RAB8B: variants seen among roughly 807,000 people sequenced by gnomAD.
The protein encoded by RAB8B is ras-related protein Rab-8B.
RAB8B carries 11 observed loss-of-function variants against 32.0 expected under a neutral mutation model. The observed-to-expected ratio is 0.34, with a 90% CI of 0.22 to 0.57. RAB8B has a LOEUF of 0.57. RAB8B is among the 20% of genes least tolerant of loss of function. RAB8B has a pLI of 0.86. For synonymous variants in RAB8B, 103 were observed against 89.6 expected (o/e 1.15, Z -0.85); for missense variants, 190 against 258.5 (o/e 0.73, Z 1.82).
intron 5 of RAB8B, among the ~76,000 whole-genome samples, chr15:63,257,466 C>T (rs1302447346): frequency 2.0e-5 from 3 of 151,904 alleles, no homozygotes; most frequent in African/African-American, 4.8e-5. Flanking sequence ...GCGGTTTTGC[C>T]GTGCTGGCCA....
chr15:63,232,902 A>G (rs558676753), intron 1 of RAB8B, among the ~76,000 whole-genome samples: 16 of 151,506 alleles, frequency 1.1e-4, no homozygotes, highest in African/African-American at 3.4e-4. Context: ...AAACAAGAAA[A>G]CAATTTTAAT....
intron 2 of RAB8B, among the ~76,000 whole-genome samples, chr15:63,249,247 A>C (rs12901035): frequency 0.064 from 9,678 of 152,256 alleles, 428 homozygotes; most frequent in Middle Eastern, 0.14. Context: ...CATTCAGGCA[A>C]GAAAGCAAAG....
At chr15:63,223,165 G>A (rs1418602324) in intron 1 of RAB8B, 2 of 412,084 alleles carry the variant, frequency 4.9e-6, no homozygotes, top group Non-Finnish European at 9.7e-6. Flanking sequence ...AGGCTGGTAT[G>A]CAGTGGCATG....
chr15:63,201,049 C>G (rs576456303), intron 1 of RAB8B, among the ~76,000 whole-genome samples: 81 of 151,986 alleles, frequency 5.3e-4, no homozygotes, highest in African/African-American at 1.9e-3. Flanking sequence ...TTTCCAAGAA[C>G]CTCTTTCCTC....
chr15:63,232,737 C>A (rs1345041998), intron 1 of RAB8B, among the ~76,000 whole-genome samples: 7 of 151,946 alleles, frequency 4.6e-5, no homozygotes, highest in Non-Finnish European at 1.0e-4. Context: ...GACCATTTGT[C>A]CCCCTTAAAA....
chr15:63,225,211 G>A (rs879594897), intron 1 of RAB8B, among the ~76,000 whole-genome samples: 7 of 152,148 alleles, frequency 4.6e-5, no homozygotes, highest in Admixed American at 6.5e-5. Flanking sequence ...TAACTTAACC[G>A]TGTTGGAGTT....
chr15:63,204,233 C>T (rs1240655066), intron 1 of RAB8B, among the ~76,000 whole-genome samples: 1 of 152,120 alleles, frequency 6.6e-6, no homozygotes, highest in African/African-American at 2.4e-5. Flanking sequence ...GGACTACGTG[C>T]ATTTTACAAA....
intron 1 of RAB8B, among the ~76,000 whole-genome samples, chr15:63,236,219 C>T (rs1190954668): frequency 6.6e-6 from 1 of 152,082 alleles, no homozygotes; most frequent in Non-Finnish European, 1.5e-5. Context: ...GCATAAGAGT[C>T]AATTCAGGAA....
intron 1 of RAB8B, among the ~76,000 whole-genome samples, chr15:63,195,493 T>A (rs561194435): frequency 5.9e-5 from 9 of 152,338 alleles, no homozygotes; most frequent in Non-Finnish European, 1.3e-4. Flanking sequence ...ATTGTTTGGA[T>A]CCACTGAGAA....
chr15:63,228,004 T>C (rs889096949), intron 1 of RAB8B, among the ~76,000 whole-genome samples: 3 of 152,096 alleles, frequency 2.0e-5, no homozygotes, highest in Non-Finnish European at 4.4e-5. Context: ...TCTTTCCTTT[T>C]CTTCCTTTCC....
In RAB8B at chr15:63,259,395, C is replaced by T. The variant is rs1160804300; in HGVS notation, c.415-232C>T. 1.3e-5 allele frequency among the ~76,000 whole-genome samples: 2 copies of T among 152,122 alleles called. No individual in the cohort carries two copies. The highest frequency in any genetic ancestry group is 1.5e-5 in the Non-Finnish European group (1 of 68,022). ...CGGCCTCCCAAAGTGCGTGAGCCAC[C>T]ATGCCCGGCCTTAAATTATGTTTGA... On this transcript the variant is annotated intron_variant, in intron 5 of 7. Coordinates refer to ENST00000321437, the MANE Select transcript of RAB8B (RefSeq NM_016530.3). The surrounding 1 kb of genome is among the most constrained non-coding windows in gnomAD (Gnocchi z 4.4).
At position 63,259,904 on chromosome 15, in the gene RAB8B, G is replaced by A. The variant is rs1280746343; in HGVS notation, c.480+212G>A. On this transcript the variant is annotated intron_variant, in intron 6 of 7. Transcript: ENST00000321437. The surrounding 1 kb of genome is among the most constrained non-coding windows in gnomAD (Gnocchi z 4.4). ...GGCTGGAATGCAGTGGCATGATCTC[G>A]GCTCACTGCAACCTCTGCCTCCCAG... is the stretch of plus-strand genomic sequence containing the variant. Among the ~76,000 whole-genome samples, 3 of 151,532 alleles carry A rather than the reference G, an allele frequency of 2.0e-5. No individual in the cohort carries two copies. Among genetic ancestry groups the A allele is most frequent in the East Asian group, 1.9e-4 (1 of 5,176 alleles).
At chr15:63,213,278 A>G (rs994750573) in intron 1 of RAB8B, among the ~76,000 whole-genome samples, 6 of 152,164 alleles carry the variant, frequency 3.9e-5, no homozygotes, top group African/African-American at 1.4e-4. Flanking sequence ...TCTTCTAGGT[A>G]CTATTTCAGG....
intron 1 of RAB8B, among the ~76,000 whole-genome samples, chr15:63,199,350 C>T (rs1159332467): frequency 6.6e-6 from 1 of 152,168 alleles, no homozygotes; most frequent in African/African-American, 2.4e-5. Context: ...TTTTCTCTTA[C>T]ATTGTTTAGA....
chr15:63,236,642 G>A (rs1436504158), intron 1 of RAB8B, among the ~76,000 whole-genome samples: 1 of 152,144 alleles, frequency 6.6e-6, no homozygotes, highest in African/African-American at 2.4e-5. Context: ...CATAGTAGAT[G>A]TATATATTTA....
At chr15:63,199,877 G>A (rs1046233492) in intron 1 of RAB8B, among the ~76,000 whole-genome samples, 10 of 151,972 alleles carry the variant, frequency 6.6e-5, no homozygotes, top group Non-Finnish European at 1.0e-4. Context: ...CACTGCCCCC[G>A]GCCAGCCTTC....
At chr15:63,212,173 C>T (rs1225843720) in intron 1 of RAB8B, among the ~76,000 whole-genome samples, 2 of 152,118 alleles carry the variant, frequency 1.3e-5, no homozygotes, top group Non-Finnish European at 2.9e-5. Context: ...GTAGTCTTTC[C>T]TCCTGAATTG....
intron 6 of RAB8B, among the ~76,000 whole-genome samples, chr15:63,262,038 C>T (rs1324601356): frequency 6.6e-6 from 1 of 152,158 alleles, no homozygotes; most frequent in African/African-American, 2.4e-5. Flanking sequence ...GAAGATTATA[C>T]ATATTCAGCT....
At chr15:63,237,425 G>A (rs113660227) in intron 1 of RAB8B, among the ~76,000 whole-genome samples, 89 of 152,254 alleles carry the variant, frequency 5.8e-4, no homozygotes, top group African/African-American at 1.9e-3. Context: ...GATAAAAGCC[G>A]TTTTAAATGG....
Sources: allele counts gnomAD v4.1 joint callset (sites outside exome capture counted in the v4.1 genomes callset), GRCh38; gene constraint gnomAD v4.1.1; non-coding constraint Gnocchi (gnomAD v3.1); transcripts MANE v1.5; gene names NCBI Gene and HGNC (gene_info 2026-07-23, HGNC 2026-07-21).